The following RFTN1 variants were observed in gnomAD, a reference collection of about 807,000 sequenced individuals.
The protein encoded by RFTN1 is raftlin.
A neutral mutation model predicts 46.5 loss-of-function variants in RFTN1; 26 were observed. That is an observed-to-expected ratio of 0.56 (90% CI 0.41 to 0.78). The LOEUF (loss-of-function observed/expected upper bound fraction) is 0.78. RFTN1 is among the 30% of genes least tolerant of loss of function. RFTN1 has a pLI of 0.00. For missense variants in RFTN1, 693 were observed against 718.7 expected, an observed-to-expected ratio of 0.96 and a Z score of 0.41; for synonymous variants, 261 against 284.2, an observed-to-expected ratio of 0.92 and a Z score of 0.82.
chr3:16,383,535 T>C lies in RFTN1; in HGVS notation c.442-5433A>G, dbSNP rs1206119786. On this transcript the variant is annotated intron_variant, in intron 4 of 9. Transcript: ENST00000334133. This position sits in a 1 kb window ranked among gnomAD's most constrained non-coding sequence, Gnocchi z 4.0. Reference sequence around the variant, plus strand: ...TGTAAAAAAAATCTTTGGTTATATATTTGAGGAATTATTTTTATTAAAAAT... The same window carrying C: ...TGTAAAAAAAATCTTTGGTTATATACTTGAGGAATTATTTTTATTAAAAAT... 6.6e-6 allele frequency among the ~76,000 whole-genome samples: 1 copy of C among 152,220 alleles called. No homozygotes were observed. The highest frequency in any genetic ancestry group is 1.5e-5 in the Non-Finnish European group (1 of 68,052).
rs529551103 is a variant in RFTN1 at position 16,493,223 on chromosome 3, T to G, written c.145+502A>C. 7.0e-4 allele frequency among the ~76,000 whole-genome samples: 101 copies of G among 144,150 alleles called. 2 individuals carry two copies. Among genetic ancestry groups the G allele is most frequent in the Admixed American group, 4.4e-3 (62 of 13,970 alleles). The allele number at this position is 144,150 out of a possible 152,430, so 94.6% of individuals were successfully genotyped here. On this transcript the variant is annotated intron_variant, in intron 2 of 9. Coordinates refer to ENST00000334133, the MANE Select transcript of RFTN1 (RefSeq NM_015150.2). Reference sequence around the variant, plus strand: ...ACACATGATTTTCATTTGTTAAAACTGTAATTCGTTGCTTTTTTTTTTTTT... The same window carrying G: ...ACACATGATTTTCATTTGTTAAAACGGTAATTCGTTGCTTTTTTTTTTTTT...
In RFTN1 at chr3:16,433,747, G is replaced by C; in HGVS notation, c.332+104C>G. 8.4e-7 allele frequency: 1 copy of C among 1,192,998 alleles called. No individual in the cohort carries two copies. Among genetic ancestry groups the C allele is most frequent in the African/African-American group, 1.5e-5 (1 of 66,972 alleles). The allele number at this position is 1,192,998 out of a possible 1,614,324, so 73.9% of individuals were successfully genotyped here. ...TCTGAGGGCTGAGGCCCTGAGGACAGCATGCAAATTTCAACCCCCAACCCC... is the reference window on the plus strand; with the variant it reads ...TCTGAGGGCTGAGGCCCTGAGGACACCATGCAAATTTCAACCCCCAACCCC... On this transcript the variant is annotated intron_variant, in intron 3 of 9. Transcript: ENST00000334133. This position sits in a 1 kb window ranked among gnomAD's most constrained non-coding sequence, Gnocchi z 4.4.
intron 3 of RFTN1, among the ~76,000 whole-genome samples, chr3:16,414,197 T>A (rs1485945789): frequency 6.6e-6 from 1 of 151,792 alleles, no homozygotes; most frequent in East Asian, 1.9e-4. Flanking sequence ...ACAAAACCTC[T>A]GCCTTTGTGG....
chr3:16,503,787 C>G (rs530859973), intron 1 of RFTN1, among the ~76,000 whole-genome samples: 98 of 152,336 alleles, frequency 6.4e-4, no homozygotes, highest in Non-Finnish European at 1.1e-3. Context: ...TTCTGTCCTC[C>G]TCCATCCTCT....
At chr3:16,363,033 C>G (rs1394943917) in intron 6 of RFTN1, among the ~76,000 whole-genome samples, 1 of 152,210 alleles carries the variant, frequency 6.6e-6, no homozygotes, top group Non-Finnish European at 1.5e-5. Context: ...GCCTCCCAGC[C>G]TCCCCACCTC....
intron 6 of RFTN1, among the ~76,000 whole-genome samples, chr3:16,369,478 G>A (rs2073398214): frequency 6.6e-6 from 1 of 152,224 alleles, no homozygotes; most frequent in Non-Finnish European, 1.5e-5. Context: ...TTCTTTGTTT[G>A]ACACATTTTC....
intron 6 of RFTN1, among the ~76,000 whole-genome samples, chr3:16,363,058 GTA>G (rs1158910244): frequency 6.6e-6 from 1 of 152,190 alleles, no homozygotes; most frequent in East Asian, 1.9e-4. Flanking sequence ...TAATGCTCCA[GTA>G]TTCTGAATCC....
rs981390158 is a variant in RFTN1 at position 16,337,650 on chromosome 3, G to A, written c.1147-10774C>T. Among the ~76,000 whole-genome samples the A allele has an allele frequency of 1.3e-5, 2 of 151,272 alleles. No individual in the cohort carries two copies. On this transcript the variant is annotated intron_variant, in intron 7 of 9. Coordinates refer to ENST00000334133, the MANE Select transcript of RFTN1 (RefSeq NM_015150.2). This position sits in a 1 kb window ranked among gnomAD's most constrained non-coding sequence, Gnocchi z 5.0. ...CCAGCTACTCGGGAGGCTGAGGCAG[G>A]AGAATCGCTTGAACCCAGGAGGCGG...
At chr3:16,436,360 T>A (rs200880319) in intron 2 of RFTN1, among the ~76,000 whole-genome samples, 2 of 78,804 alleles carry the variant, frequency 2.5e-5, no homozygotes, top group African/African-American at 9.7e-5. Flanking sequence ...AAAAAAAAAT[T>A]TTTTTTTTTT....
In RFTN1 at chr3:16,501,208, C is replaced by T. The variant is rs557214800; in HGVS notation, c.-8-7331G>A. 2.0e-5 allele frequency among the ~76,000 whole-genome samples: 3 copies of T among 152,248 alleles called. No individual in the cohort carries two copies. In the South Asian group the frequency reaches 6.2e-4, roughly 32 times the overall value. ...AATACTTGGCTCCAGAAGAAGCTGA[C>T]CAGCAATGCGGCACAATGTCCTGTG... On this transcript the variant is annotated intron_variant, in intron 1 of 9. Coordinates refer to ENST00000334133, the MANE Select transcript of RFTN1 (RefSeq NM_015150.2).
chr3:16,419,155 A>C (rs2075139501), intron 3 of RFTN1, among the ~76,000 whole-genome samples: 1 of 152,208 alleles, frequency 6.6e-6, no homozygotes, highest in African/African-American at 2.4e-5. Context: ...AGGTGTGTGA[A>C]GGTGCGGGTT....
In RFTN1 at chr3:16,323,321, A is replaced by T. The variant is rs1365907611; in HGVS notation, c.1332+55T>A. 4 of 1,315,652 alleles carry T rather than the reference A, an allele frequency of 3.0e-6. No individual in the cohort carries two copies. In the East Asian group the frequency reaches 6.9e-5, roughly 23 times the overall value. 81.5% of individuals were successfully genotyped at this position (1,315,652 alleles called of 1,614,324 possible). A position where few individuals can be genotyped will look rare whatever the true frequency, so the allele number is the denominator to read the frequency against. ...CCCCCTCAAATGCTGCAGAAAATCC[A>T]CTGAAGATGAAGCCCTGCTGAGGAA... On this transcript the variant is annotated intron_variant, in intron 9 of 9. Transcript: ENST00000334133.
In RFTN1 at chr3:16,465,419, GACACACACACAC is replaced by G. The variant is rs10560544; in HGVS notation, c.145+28294_145+28305del. On this transcript the variant is annotated intron_variant, in intron 2 of 9. Transcript: ENST00000334133. This position sits in a 1 kb window ranked among gnomAD's most constrained non-coding sequence, Gnocchi z 5.1. The stretch of plus-strand genomic sequence containing the variant: ...CCAACAGAGGTTGGCAGCTCAGAGG[GACACACACACAC>G]ACACACACACACACACACACACACC... Among the ~76,000 whole-genome samples, 13 of 143,402 alleles carry G rather than the reference GACACACACACAC, an allele frequency of 9.1e-5. No homozygotes were observed. The highest frequency in any genetic ancestry group is 2.1e-4 in the Admixed American group (3 of 14,274). The allele number at this position is 143,402 out of a possible 152,430, so 94.1% of individuals were successfully genotyped here.
chr3:16,440,618 T>C lies in RFTN1; in HGVS notation c.146-6581A>G, dbSNP rs916111280. Among the ~76,000 whole-genome samples the C allele has an allele frequency of 1.5e-4, 23 of 150,978 alleles. No individual in the cohort carries two copies. Among genetic ancestry groups the C allele is most frequent in the African/African-American group, 5.1e-4 (21 of 40,856 alleles). On this transcript the variant is annotated intron_variant, in intron 2 of 9. Transcript: ENST00000334133. This position sits in a 1 kb window ranked among gnomAD's most constrained non-coding sequence, Gnocchi z 4.6. ...AGGAAAATAAAGTAAACAAGAGACA[T>C]GAGCCAGGGGGACAGCAATGAACAC...
At chr3:16,423,643 T>C (rs1288658763) in intron 3 of RFTN1, among the ~76,000 whole-genome samples, 1 of 152,062 alleles carries the variant, frequency 6.6e-6, no homozygotes, top group Non-Finnish European at 1.5e-5. Flanking sequence ...CAGCAGTAAA[T>C]AAATGGTAGC....
intron 5 of RFTN1, among the ~76,000 whole-genome samples, chr3:16,375,614 T>C (rs984217891): frequency 3.9e-5 from 6 of 152,192 alleles, no homozygotes; most frequent in Admixed American, 3.9e-4. Flanking sequence ...AATAGTGAGC[T>C]GCCTAAATTT....
chr3:16,378,418 T>C (rs1260655083), intron 4 of RFTN1, among the ~76,000 whole-genome samples: 1 of 152,248 alleles, frequency 6.6e-6, no homozygotes, highest in Non-Finnish European at 1.5e-5. Context: ...CTGGAAAAAG[T>C]TCTAAACAAA....
At chr3:16,456,924 A>G (rs1480565218) in intron 2 of RFTN1, among the ~76,000 whole-genome samples, 1 of 152,212 alleles carries the variant, frequency 6.6e-6, no homozygotes, top group African/African-American at 2.4e-5. Flanking sequence ...AATGTGTTAG[A>G]GTTATAGAGA....
chr3:16,352,756 T>C lies in RFTN1; in HGVS notation c.1146+5176A>G, dbSNP rs563046772. ...CTTTTTAATATATTTTCTCTTTTAA[T>C]TCTCATCAATTTTGAGAGGTTGTTA... On this transcript the variant is annotated intron_variant, in intron 7 of 9. Transcript: ENST00000334133. The surrounding 1 kb of genome is among the most constrained non-coding windows in gnomAD (Gnocchi z 4.6). Among the ~76,000 whole-genome samples, 1 of 152,322 alleles carries C rather than the reference T, an allele frequency of 6.6e-6. No individual in the cohort carries two copies. The highest frequency in any genetic ancestry group is 2.1e-4 in the South Asian group (1 of 4,826).
Sources: gnomAD v4.1 joint callset for allele counts (sites outside exome capture counted in the v4.1 genomes callset) on GRCh38, gnomAD v4.1.1 for gene constraint, Gnocchi (gnomAD v3.1) non-coding constraint, MANE v1.5 for transcripts, NCBI Gene and HGNC (gene_info 2026-07-23, HGNC 2026-07-21) for gene names.